The following ZFP36L1 variants were observed in gnomAD, a reference collection of about 807,000 sequenced individuals.
ZFP36L1 encodes mRNA decay activator protein ZFP36L1.
In ZFP36L1, 4 loss-of-function variants were observed where a neutral mutation model predicts 16.7. The ratio of observed to expected loss-of-function variants is 0.24; its 90% CI spans 0.12 to 0.55. ZFP36L1 has a LOEUF of 0.55. Ranked by LOEUF, ZFP36L1 falls within the 20% of genes least tolerant of loss-of-function variation. The pLI is 0.94. For synonymous variants in ZFP36L1, 220 were observed against 190.8 expected (o/e 1.15, Z -1.26); for missense variants, 311 against 449.2 (o/e 0.69, Z 2.78).
upstream of ZFP36L1, chr14:68,793,881 C>G (rs1895179599): frequency 3.1e-6 from 3 of 981,606 alleles, no homozygotes; most frequent in Non-Finnish European, 3.6e-6. Context: ...CCGCACGCGT[C>G]GACACTCGCG....
upstream of ZFP36L1, chr14:68,794,633 T>A (rs1175153555): frequency 2.6e-5 from 4 of 152,354 alleles, no homozygotes; most frequent in East Asian, 7.5e-4. Context: ...GTGGCTAAGA[T>A]TGAGTTCCAT....
At chr14:68,793,209 C>A (rs1388788980), upstream of ZFP36L1, 1 of 345,924 alleles carries the variant, frequency 2.9e-6, no homozygotes, top group African/African-American at 1.1e-4. Flanking sequence ...TGCGGTCAGG[C>A]GGGGAGGGGG....
chr14:68,792,522 C>T (rs1895115393), intron 1 of ZFP36L1, among the ~76,000 whole-genome samples: 2 of 152,280 alleles, frequency 1.3e-5, no homozygotes, highest in East Asian at 1.9e-4. Flanking sequence ...AGACTGGGAA[C>T]CCGATCAGAC....
upstream of ZFP36L1, among the ~76,000 whole-genome samples, chr14:68,795,311 A>AC (rs1221058864): frequency 3.2e-4 from 18 of 56,592 alleles, no homozygotes; most frequent in East Asian, 1.2e-3. Flanking sequence ...CCGCTCCCCC[A>AC]CCCCCCACCC....
Position 68,789,993 on chromosome 14 carries a change from G to A in ZFP36L1, c.557C>T (p.Ala186Val), listed in dbSNP as rs2140209223. Reference protein sequence around the residue: ...IHNAEERRALAGARDLSADRP... With the variant: ...IHNAEERRALVGARDLSADRP... ...GTCAGCGGAGAGGTCCCGGGCCCCG[G>A]CCAGGGCACGGCGCTCTTCAGCGTT... Residue 186 changes from alanine (A) to valine (V), a missense_variant, in exon 2 of 2, where the codon GCC (alanine) becomes GTC (valine). Coordinates refer to ENST00000439696, the MANE Select transcript of ZFP36L1 (RefSeq NM_004926.4). This position sits in a 1 kb window ranked among gnomAD's most constrained non-coding sequence, Gnocchi z 4.5. 6.2e-7 allele frequency: 1 copy of A among 1,606,646 alleles called. No homozygotes were observed. The highest frequency in any genetic ancestry group is 8.5e-7 in the Non-Finnish European group (1 of 1,176,892).
Position 68,790,160 on chromosome 14 carries a change from C to T in ZFP36L1, c.390G>A (p.Lys130=), listed in dbSNP as rs756444666. 5 of 1,611,972 alleles carry T rather than the reference C, an allele frequency of 3.1e-6. No homozygotes were observed. The highest frequency in any genetic ancestry group is 4.2e-6 in the Non-Finnish European group (5 of 1,178,640). Residue 130 remains lysine, a synonymous_variant, in exon 2 of 2, where the codon AAG becomes AAA. Transcript: ENST00000439696. Reference sequence around the variant, plus strand: ...GTGCGAACTGGCACTTGTCCCCGTACTTACAGGCACCGTTTTCCTCAAAGG... The same window carrying T: ...GTGCGAACTGGCACTTGTCCCCGTATTTACAGGCACCGTTTTCCTCAAAGG... ...CRPFEENGAC[K]YGDKCQFAHG... is the part of the protein sequence containing the mutation.
chr14:68,789,380 G>A lies in ZFP36L1; in HGVS notation c.*153C>T. 1 of 1,141,732 alleles carries A rather than the reference G, an allele frequency of 8.8e-7. No homozygotes were observed. Among genetic ancestry groups the A allele is most frequent in the Non-Finnish European group, 1.2e-6 (1 of 812,870 alleles). The allele number at this position is 1,141,732 out of a possible 1,614,324, so 70.7% of individuals were successfully genotyped here. A position where few individuals can be genotyped will look rare whatever the true frequency, so the allele number is the denominator to read the frequency against. On this transcript the variant is annotated 3_prime_UTR_variant, in exon 2 of 2. Coordinates refer to ENST00000439696, the MANE Select transcript of ZFP36L1 (RefSeq NM_004926.4). The surrounding 1 kb of genome is among the most constrained non-coding windows in gnomAD (Gnocchi z 4.5). ...TAGGTGGGGTTATGAGGGGGAGAGGGAGGGCACATTCTGAGGTGCTGGGGG... is the reference window on the plus strand; with the variant it reads ...TAGGTGGGGTTATGAGGGGGAGAGGAAGGGCACATTCTGAGGTGCTGGGGG...
At chr14:68,791,588 C>A (rs1160387218) in intron 1 of ZFP36L1, among the ~76,000 whole-genome samples, 2 of 151,638 alleles carry the variant, frequency 1.3e-5, no homozygotes, top group East Asian at 1.9e-4. Context: ...AACCACCCCA[C>A]CGAGAGGATT....
chr14:68,793,630 C>G (rs1566561588), upstream of ZFP36L1: 2 of 985,778 alleles, frequency 2.0e-6, no homozygotes, highest in Non-Finnish European at 2.4e-6. Context: ...GAAACTTCCC[C>G]AAGTGTCTGC....
At chr14:68,793,918 G>GT (rs1472843106), upstream of ZFP36L1, 1 of 973,438 alleles carries the variant, frequency 1.0e-6, no homozygotes, top group Non-Finnish European at 1.2e-6. Flanking sequence ...CGCTCTCCGG[G>GT]TGTGGGCGGG....
At chr14:68,795,923 TG>T, upstream of ZFP36L1, 2 of 1,096,860 alleles carry the variant, frequency 1.8e-6, no homozygotes, top group Non-Finnish European at 2.6e-6. Flanking sequence ...CGCCCAGACG[TG>T]GTCGACAGGT....
chr14:68,794,594 G>A (rs1895198890), upstream of ZFP36L1: 1 of 152,454 alleles, frequency 6.6e-6, no homozygotes, highest in East Asian at 1.9e-4. Context: ...CGAGGCCGCC[G>A]AGTCTGTTAT....
intron 1 of ZFP36L1, chr14:68,790,968 C>T (rs1440288523): frequency 1.5e-6 from 1 of 682,530 alleles, no homozygotes; most frequent in Admixed American, 2.1e-5. Context: ...TAATTGATAC[C>T]CCCTCCTTCA....
intron 1 of ZFP36L1, among the ~76,000 whole-genome samples, chr14:68,791,554 G>C (rs965617139): frequency 6.6e-6 from 1 of 152,002 alleles, no homozygotes; most frequent in African/African-American, 2.4e-5. Flanking sequence ...GATCAGCAGG[G>C]GGGGACCGGG....
rs1303796221 is a variant in ZFP36L1 at position 68,791,589 on chromosome 14, C to T, written c.58-1097G>A. 2.6e-5 allele frequency among the ~76,000 whole-genome samples: 4 copies of T among 151,544 alleles called. No homozygotes were observed. The East Asian group carries it at 5.8e-4, about 22-fold the overall frequency. Reference sequence around the variant, plus strand: ...GAATCTGTAACTGCAACCACCCCACCGAGAGGATTACAGGAACCCAGTCGA... The same window carrying T: ...GAATCTGTAACTGCAACCACCCCACTGAGAGGATTACAGGAACCCAGTCGA... On this transcript the variant is annotated intron_variant, in intron 1 of 1. Transcript: ENST00000439696.
At position 68,789,036 on chromosome 14, in the gene ZFP36L1, G is replaced by C. The variant is rs1417639985; in HGVS notation, c.*497C>G. 6.4e-6 allele frequency: 1 copy of C among 155,806 alleles called. No individual in the cohort carries two copies. Among genetic ancestry groups the C allele is most frequent in the Non-Finnish European group, 1.4e-5 (1 of 69,906 alleles). 9.7% of individuals were successfully genotyped at this position (155,806 alleles called of 1,614,324 possible). A position where few individuals can be genotyped will look rare whatever the true frequency, so the allele number is the denominator to read the frequency against. ...AAATGAGGGAAGGTGCAGTTGTGTC[G>C]CCAGTGGAGGGGGCTGCTGGTTCCG... On this transcript the variant is annotated 3_prime_UTR_variant, in exon 2 of 2. Transcript: ENST00000439696. The surrounding 1 kb of genome is among the most constrained non-coding windows in gnomAD (Gnocchi z 4.5).
rs989857320 is a variant in ZFP36L1, at chr14:68,789,719, G to T, written c.831C>A (p.Phe277Leu). ...GGGACTCGGACATGGGCCGGAAGAG[G>T]AAGGTGGTCGGGGAGCCACCCCCGG... Reference protein sequence around the residue: ...GLPGGGSPTTFLFRPMSESPH... With the variant: ...GLPGGGSPTTLLFRPMSESPH... The change falls in exon 2 of 2, where the codon TTC becomes TTA. Residue 277 changes from phenylalanine to leucine, a missense_variant. By Grantham distance (22) the Phe-to-Leu change is conservative (BLOSUM62 0). Around this residue, in one of 4 missense-constraint regions of ZFP36L1, gnomAD observed 147 missense variants for 192.0 expected, o/e 0.77. Transcript: ENST00000439696. This position sits in a 1 kb window ranked among gnomAD's most constrained non-coding sequence, Gnocchi z 4.5. 6 of 1,613,996 alleles carry T rather than the reference G, an allele frequency of 3.7e-6. No individual in the cohort carries two copies. Among genetic ancestry groups the T allele is most frequent in the Non-Finnish European group, 5.1e-6 (6 of 1,180,016 alleles).
At chr14:68,792,633 G>A (rs1895123849) in intron 1 of ZFP36L1, among the ~76,000 whole-genome samples, 1 of 152,082 alleles carries the variant, frequency 6.6e-6, no homozygotes, top group African/African-American at 2.4e-5. Flanking sequence ...TGCCCTGCCA[G>A]GCAAACTTCG....
upstream of ZFP36L1, among the ~76,000 whole-genome samples, chr14:68,795,317 C>T (rs1361713007): frequency 6.8e-6 from 1 of 147,562 alleles, no homozygotes; most frequent in Non-Finnish European, 1.5e-5. Context: ...CCCCACCCCC[C>T]ACCCCCCCCA....
Sources: gnomAD v4.1 joint callset for allele counts (sites outside exome capture counted in the v4.1 genomes callset) on GRCh38, gnomAD v4.1.1 for gene constraint, gnomAD v4.1.1 regional missense constraint, Gnocchi (gnomAD v3.1) non-coding constraint, MANE v1.5 for transcripts, NCBI Gene and HGNC (gene_info 2026-07-23, HGNC 2026-07-21) for gene names.